RABGEF1: variants seen among roughly 807,000 people sequenced by gnomAD.
RABGEF1 encodes the protein rab5 GDP/GTP exchange factor.
A neutral mutation model predicts 57.3 loss-of-function variants in RABGEF1; 26 were observed. The ratio of observed to expected loss-of-function variants is 0.45; its 90% CI spans 0.33 to 0.63. The LOEUF (loss-of-function observed/expected upper bound fraction) is 0.63, where lower values mean the gene tolerates loss of function less well. RABGEF1 is among the 20% of genes least tolerant of loss of function. The pLI, the probability that RABGEF1 is intolerant of heterozygous loss-of-function variation, is 0.02. For synonymous variants in RABGEF1, 185 were observed against 210.7 expected, an observed-to-expected ratio of 0.88 and a Z score of 1.06; for missense variants, 464 against 607.6, an observed-to-expected ratio of 0.76 and a Z score of 2.48.
chr7:66,741,443 C>A (rs968165896), intron 1 of RABGEF1, among the ~76,000 whole-genome samples: 6 of 152,112 alleles, frequency 3.9e-5, no homozygotes, highest in African/African-American at 7.2e-5. Flanking sequence ...CGAGGGATGC[C>A]CATCACGGCA....
intron 4 of RABGEF1, among the ~76,000 whole-genome samples, chr7:66,794,207 A>ATT (rs1174835014): frequency 1.4e-4 from 13 of 91,084 alleles, no homozygotes; most frequent in African/African-American, 2.6e-4. Context: ...TCCATGTTTA[A>ATT]TTTTTTTTTT....
intron 1 of RABGEF1, among the ~76,000 whole-genome samples, chr7:66,769,960 A>G (rs957337033): frequency 2.0e-5 from 3 of 152,052 alleles, no homozygotes; most frequent in Non-Finnish European, 4.4e-5. Flanking sequence ...TCCTTCCAAG[A>G]CCCTTTCAAC....
At chr7:66,757,552 T>G (rs1473376027) in intron 1 of RABGEF1, among the ~76,000 whole-genome samples, 2 of 152,246 alleles carry the variant, frequency 1.3e-5, no homozygotes. Context: ...TTTGAATGAA[T>G]GCAGAGGGAA....
chr7:66,768,629 G>T (rs1806329700), intron 1 of RABGEF1, among the ~76,000 whole-genome samples: 1 of 152,084 alleles, frequency 6.6e-6, no homozygotes, highest in African/African-American at 2.4e-5. Flanking sequence ...GTTTCCATCT[G>T]TTTCATATAT....
upstream of RABGEF1, among the ~76,000 whole-genome samples, chr7:66,680,852 C>T (rs530733474): frequency 2.0e-4 from 30 of 151,890 alleles, no homozygotes; most frequent in Admixed American, 2.6e-4. Context: ...AAGGCCAAGG[C>T]GGGCGGATCA....
At chr7:66,679,304 G>C (rs181372518), upstream of RABGEF1, among the ~76,000 whole-genome samples, 321 of 152,216 alleles carry the variant, frequency 2.1e-3, 2 homozygotes, top group Non-Finnish European at 1.8e-3. Flanking sequence ...CAAGCTTCTT[G>C]GTTGCAGTTT....
chr7:66,758,379 C>G (rs1320362140), intron 1 of RABGEF1, among the ~76,000 whole-genome samples: 1 of 152,186 alleles, frequency 6.6e-6, no homozygotes, highest in Non-Finnish European at 1.5e-5. Context: ...TCCTAACTGT[C>G]CCAGCAGCAG....
At chr7:66,663,816 G>C in the RABGEF1 span, among the ~76,000 whole-genome samples, 1 of 152,142 alleles carries the variant, frequency 6.6e-6, no homozygotes, top group African/African-American at 2.4e-5. Context: ...GCTCACGCCT[G>C]TAATCCCAGC....
chr7:66,682,059 C>T (rs1284253723), upstream of RABGEF1: 1 of 167,078 alleles, frequency 6.0e-6, no homozygotes, highest in Non-Finnish European at 1.5e-5. Flanking sequence ...AGCCAAAGGC[C>T]CCGGAAGTGA....
chr7:66,782,180 AT>A (rs1350403533), intron 3 of RABGEF1, among the ~76,000 whole-genome samples: 1 of 152,186 alleles, frequency 6.6e-6, no homozygotes, highest in African/African-American at 2.4e-5. Context: ...AAGATGTTGC[AT>A]TTTTTGTTTT....
At position 66,771,941 on chromosome 7, in the gene RABGEF1, A is replaced by G. The variant is rs567307380; in HGVS notation, c.42A>G (p.Gln14=). 277 of 1,580,888 alleles carry G rather than the reference A, an allele frequency of 1.8e-4. No individual in the cohort carries two copies. Among genetic ancestry groups the G allele is most frequent in the Middle Eastern group, 1.7e-4 (1 of 5,976 alleles). The change falls in exon 2 of 9, where the codon CAA becomes CAG. Residue 14 remains glutamine (Q), a synonymous_variant. Coordinates refer to ENST00000284957, the MANE Select transcript of RABGEF1 (RefSeq NM_014504.3). Reference sequence around the variant, plus strand: ...AACGCCGAGGAATTCATGTGGATCAATCGGATCTCCTGTGCAAGAAAGGAT... The same window carrying G: ...AACGCCGAGGAATTCATGTGGATCAGTCGGATCTCCTGTGCAAGAAAGGAT... ...KSERRGIHVD[Q]SDLLCKKGCG...
chr7:66,769,289 CTG>C (rs1305466834), intron 1 of RABGEF1, among the ~76,000 whole-genome samples: 1 of 152,218 alleles, frequency 6.6e-6, no homozygotes. Flanking sequence ...TGGATGAAAT[CTG>C]TGAGGCCTCT....
At chr7:66,729,101 C>T (rs1423296069) in intron 2 of RABGEF1, among the ~76,000 whole-genome samples, 1 of 152,074 alleles carries the variant, frequency 6.6e-6, no homozygotes, top group Middle Eastern at 3.4e-3. Flanking sequence ...CAGGTGCGTG[C>T]GACCATGCCT....
chr7:66,696,392 A>T (rs1792334707), intron 1 of RABGEF1, among the ~76,000 whole-genome samples: 1 of 151,992 alleles, frequency 6.6e-6, no homozygotes, highest in Non-Finnish European at 1.5e-5. Context: ...TTTAAATGAG[A>T]GAAAGTGGAC....
intron 1 of RABGEF1, among the ~76,000 whole-genome samples, chr7:66,750,801 C>T (rs539967875): frequency 2.0e-5 from 3 of 152,114 alleles, no homozygotes; most frequent in Non-Finnish European, 4.4e-5. Flanking sequence ...CTGCCATTTA[C>T]GTCAGTGAAA....
At chr7:66,681,474 G>A (rs1244605979), upstream of RABGEF1, among the ~76,000 whole-genome samples, 1 of 148,068 alleles carries the variant, frequency 6.8e-6, no homozygotes, top group Non-Finnish European at 1.5e-5. Flanking sequence ...AGGGATCTCT[G>A]CACCCTCAAC....
At chr7:66,780,383 T>C (rs949366606) in intron 3 of RABGEF1, among the ~76,000 whole-genome samples, 2 of 152,242 alleles carry the variant, frequency 1.3e-5, no homozygotes, top group Non-Finnish European at 2.9e-5. Flanking sequence ...TCCTCATTTG[T>C]AAATATTGTA....
At chr7:66,721,179 A>G (rs890229233) in intron 2 of RABGEF1, among the ~76,000 whole-genome samples, 2 of 152,206 alleles carry the variant, frequency 1.3e-5, no homozygotes, top group Admixed American at 1.3e-4. Context: ...TCGGCCTCCC[A>G]AAGTGCTGGG....
chr7:66,794,019 C>T (rs1470424881), intron 4 of RABGEF1, among the ~76,000 whole-genome samples: 1 of 152,034 alleles, frequency 6.6e-6, no homozygotes, highest in Admixed American at 6.6e-5. Context: ...GAATTTCACC[C>T]GAATAATTTG....
Sources: allele counts gnomAD v4.1 joint callset (sites outside exome capture counted in the v4.1 genomes callset), GRCh38; gene constraint gnomAD v4.1.1; transcripts MANE v1.5; gene names NCBI Gene and HGNC (gene_info 2026-07-23, HGNC 2026-07-21).